Variants in YBX3 observed in about 807,000 individuals in gnomAD.
YBX3 encodes the protein Y-box-binding protein 3.
In YBX3, 29 loss-of-function variants were observed where a neutral mutation model predicts 42.4. The ratio of observed to expected loss-of-function variants is 0.68; its 90% CI spans 0.51 to 0.93. YBX3 has a LOEUF of 0.93. YBX3 is among the 40% of genes least tolerant of loss of function. The pLI, the probability that YBX3 is intolerant of heterozygous loss-of-function variation, is 0.00. For synonymous variants in YBX3, 195 were observed against 189.8 expected (o/e 1.03, Z -0.22); for missense variants, 517 against 527.5 (o/e 0.98, Z 0.19).
chr12:10,709,007 T>C (rs760105257), intron 6 of YBX3, among the ~76,000 whole-genome samples: 44 of 152,212 alleles, frequency 2.9e-4, no homozygotes, highest in Non-Finnish European at 5.6e-4. Context: ...TCTCTCCATA[T>C]ATGTAAGTCT....
In YBX3 at chr12:10,701,314, G is replaced by C; in HGVS notation, c.1093C>G (p.Pro365Ala). The C allele has an allele frequency of 1.3e-6, 1 of 780,974 alleles. No homozygotes were observed. The allele number at this position is 780,974 out of a possible 1,614,324, so 48.4% of individuals were successfully genotyped here. A position where few individuals can be genotyped will look rare whatever the true frequency, so the allele number is the denominator to read the frequency against. The change falls in exon 9 of 10, where the codon CCC becomes GCC. Residue 365 changes from proline (P) to alanine (A), a missense_variant. By Grantham distance (27) the Pro-to-Ala change is conservative (BLOSUM62 -1). This residue lies in a region of YBX3 where 420 missense variants were observed against 408.5 expected (regional missense o/e 1.03). Transcript: ENST00000228251. The part of the protein sequence containing the change: ...GEAPTENPAP[P>A]TQQSSAE ...TACTCAGCACTGCTCTGCTGGGTGG[G>C]TGGAGCAGGGTTCTCAGTTGGTGCT...
rs1948183754 is a variant in YBX3 at position 10,710,099 on chromosome 12, C to A, written c.589G>T (p.Glu197Ter). The change falls in exon 6 of 10, where the codon GAG (glutamate) becomes TAG (stop). Residue 197 changes from glutamate to a stop codon, truncating the protein, a stop_gained. Transcript: ENST00000228251. LOFTEE classifies it high-confidence loss of function. ...GPPRNYAGEEEEEGSGSSEGF... is the reference protein window; with the variant it reads ...GPPRNYAGEE ...TCACTGCTGCCGCTCCCTTCCTCCT[C>A]CTCCTCCCCAGCGTACTAGCGAAGC... 6.2e-7 allele frequency: 1 copy of A among 1,613,478 alleles called. No homozygotes were observed. The highest frequency in any genetic ancestry group is 8.5e-7 in the Non-Finnish European group (1 of 1,179,944).
rs1948354782 is a variant in YBX3, at chr12:10,723,123, C to T, written c.-12G>A. Reference sequence around the variant, plus strand: ...CCCGCCTCACTCATGCCTCCTCCTCCTCTGCTCTCGCTCAGGCGCCTCGGT... The same window carrying T: ...CCCGCCTCACTCATGCCTCCTCCTCTTCTGCTCTCGCTCAGGCGCCTCGGT... On this transcript the variant is annotated 5_prime_UTR_variant, in exon 1 of 10. Transcript: ENST00000228251. 7.5e-6 allele frequency: 9 copies of T among 1,200,848 alleles called. No homozygotes were observed. The highest frequency in any genetic ancestry group is 9.3e-6 in the Non-Finnish European group (9 of 968,556). 74.4% of individuals were successfully genotyped at this position (1,200,848 alleles called of 1,614,324 possible). A position where few individuals can be genotyped will look rare whatever the true frequency, so the allele number is the denominator to read the frequency against.
chr12:10,713,722 T>C (rs1166530904), intron 4 of YBX3, among the ~76,000 whole-genome samples: 2 of 152,192 alleles, frequency 1.3e-5, no homozygotes, highest in East Asian at 1.9e-4. Flanking sequence ...AAACCTATGT[T>C]AGTCTAGGAG....
In YBX3 at chr12:10,722,794, C is replaced by A. The variant is rs566011560; in HGVS notation, c.262+56G>T. On this transcript the variant is annotated intron_variant, in intron 1 of 9. Coordinates refer to ENST00000228251, the MANE Select transcript of YBX3 (RefSeq NM_003651.5). ...GCGCGAGCTGCCCACACGTGCTCCG[C>A]GGCCGGCTGGGCCCGCCCCACTACG... 4.4e-5 allele frequency: 59 copies of A among 1,339,816 alleles called. No homozygotes were observed. The African/African-American group carries it at 7.7e-4, about 18-fold the overall frequency. 83.0% of individuals were successfully genotyped at this position (1,339,816 alleles called of 1,614,324 possible).
chr12:10,723,198 C>T lies in YBX3; in HGVS notation c.-87G>A, dbSNP rs1948356261. ...GCTGGTGGTCGCGGCGGCCGGGGCT[C>T]GCTCTCGGGGAGGCCGGGGCGGATC... On this transcript the variant is annotated 5_prime_UTR_variant, in exon 1 of 10. Transcript: ENST00000228251. 2.6e-6 allele frequency: 3 copies of T among 1,175,088 alleles called. No homozygotes were observed. Among genetic ancestry groups the T allele is most frequent in the Non-Finnish European group, 3.2e-6 (3 of 951,758 alleles). The allele number at this position is 1,175,088 out of a possible 1,614,324, so 72.8% of individuals were successfully genotyped here.
chr12:10,709,406 T>C (rs1948172831), intron 6 of YBX3, among the ~76,000 whole-genome samples: 1 of 152,254 alleles, frequency 6.6e-6, no homozygotes, highest in South Asian at 2.1e-4. Flanking sequence ...CACTGTCTCA[T>C]TTAAAACCAA....
intron 1 of YBX3, among the ~76,000 whole-genome samples, chr12:10,720,385 C>T (rs995760690): frequency 4.6e-5 from 7 of 152,024 alleles, no homozygotes; most frequent in Non-Finnish European, 1.0e-4. Flanking sequence ...AAAAACATGT[C>T]TTTATATCTC....
intron 7 of YBX3, 83 bp from the exon 8 acceptor site, chr12:10,702,217 A>C: frequency 7.1e-7 from 1 of 1,402,896 alleles, no homozygotes; most frequent in African/African-American, 1.5e-5. Context: ...TATTTTTAAA[A>C]ATTAAAAAGT....
chr12:10,700,803 T>C (rs1948069867), intron 9 of YBX3, among the ~76,000 whole-genome samples: 1 of 152,132 alleles, frequency 6.6e-6, no homozygotes, highest in African/African-American at 2.4e-5. Context: ...TTGGCTCTTA[T>C]ACACTATGCT....
intron 5 of YBX3, chr12:10,711,238 CTTACT>C (rs985259443): frequency 1.3e-5 from 2 of 152,008 alleles, no homozygotes; most frequent in African/African-American, 4.8e-5. Flanking sequence ...GATTTCAAGT[CTTACT>C]TTAAAGGGGA....
intron 1 of YBX3, chr12:10,721,971 C>CCA (rs1181500674): frequency 1.3e-5 from 2 of 152,328 alleles, no homozygotes; most frequent in African/African-American, 4.8e-5. Context: ...AAACCCTTTC[C>CCA]ATCCACTGCC....
chr12:10,723,016 G>A lies in YBX3; in HGVS notation c.96C>T (p.Pro32=), dbSNP rs1423335996. 1.9e-5 allele frequency: 23 copies of A among 1,208,336 alleles called. No homozygotes were observed. The highest frequency in any genetic ancestry group is 2.4e-5 in the Non-Finnish European group (23 of 974,996). 74.9% of individuals were successfully genotyped at this position (1,208,336 alleles called of 1,614,324 possible). A position where few individuals can be genotyped will look rare whatever the true frequency, so the allele number is the denominator to read the frequency against. ...GCGCACCGCTGCCCACCGGGCTCTT[G>A]GGCGCGGGGTCCTGGGGAGCCGCGG... ...AAAAAPQDPA[P]KSPVGSGAPQ... The change falls in exon 1 of 10, where the codon CCC becomes CCT. Residue 32 remains proline, a synonymous_variant. Coordinates refer to ENST00000228251, the MANE Select transcript of YBX3 (RefSeq NM_003651.5).
rs574595566 is a variant in YBX3, at chr12:10,715,769, C to A, written c.375G>T (p.Lys125Asn). ...TGCGCAGATATTTCCGTGGGTTATT[C>A]TTCTTGATGGCAGTCTGGAAAGAGA... The part of the protein sequence containing the change: ...DVFVHQTAIK[K>N]NNPRKYLRSV... Residue 125 changes from lysine (K) to asparagine (N), a missense_variant, in exon 4 of 10, where the codon AAG becomes AAT. By Grantham distance (94) the Lys-to-Asn change is moderately conservative. This residue lies in a region of YBX3 where 420 missense variants were observed against 408.5 expected (regional missense o/e 1.03). Coordinates refer to ENST00000228251, the MANE Select transcript of YBX3 (RefSeq NM_003651.5). 1 of 1,613,884 alleles carries A rather than the reference C, an allele frequency of 6.2e-7. No homozygotes were observed. The highest frequency in any genetic ancestry group is 8.5e-7 in the Non-Finnish European group (1 of 1,179,942).
chr12:10,710,239 C>A (rs960888346), intron 5 of YBX3, 125 bp from the exon 6 acceptor site: 1 of 1,529,730 alleles, frequency 6.5e-7, no homozygotes, highest in African/African-American at 1.4e-5. Flanking sequence ...TTCCATTATA[C>A]AGACAAAATG....
intron 3 of YBX3, 53 bp downstream of exon 3, chr12:10,718,035 G>C (rs1948282147): frequency 6.7e-7 from 1 of 1,484,424 alleles, no homozygotes; most frequent in Middle Eastern, 1.7e-4. Context: ...GCTGACAGAA[G>C]ATTACACACC....
At chr12:10,721,317 T>C (rs1444227115) in intron 1 of YBX3, among the ~76,000 whole-genome samples, 2 of 152,222 alleles carry the variant, frequency 1.3e-5, no homozygotes, top group Non-Finnish European at 2.9e-5. Context: ...TTTATCTGTT[T>C]CCTTCATCTT....
chr12:10,700,480 G>A (rs1190748473), intron 9 of YBX3, among the ~76,000 whole-genome samples: 4 of 152,040 alleles, frequency 2.6e-5, no homozygotes, highest in Admixed American at 6.5e-5. Context: ...AACAAACCCA[G>A]AATTTATAAT....
Position 10,709,913 on chromosome 12 carries a change from T to C in YBX3, c.775A>G (p.Ile259Val). Residue 259 changes from isoleucine (I) to valine (V), a missense_variant, in exon 6 of 10, where the codon ATA becomes GTA. Coordinates refer to ENST00000228251, the MANE Select transcript of YBX3 (RefSeq NM_003651.5). ...AGTCTCAGTTGCAATTTTACCTGTATTCTGTTGGGATGGGGTAAGACCCGT... is the reference window on the plus strand; with the variant it reads ...AGTCTCAGTTGCAATTTTACCTGTACTCTGTTGGGATGGGGTAAGACCCGT... ...RSRVLPHPNRIQAGEIGEMKD... is the reference protein window; with the variant it reads ...RSRVLPHPNRVQAGEIGEMKD... 1 of 1,613,956 alleles carries C rather than the reference T, an allele frequency of 6.2e-7. No individual in the cohort carries two copies. Among genetic ancestry groups the C allele is most frequent in the Non-Finnish European group, 8.5e-7 (1 of 1,180,036 alleles).
Sources: allele counts gnomAD v4.1 joint callset (sites outside exome capture counted in the v4.1 genomes callset), GRCh38; gene constraint gnomAD v4.1.1; regional missense constraint gnomAD v4.1.1; transcripts MANE v1.5; gene names NCBI Gene and HGNC (gene_info 2026-07-23, HGNC 2026-07-21).